ANK2: variants seen among roughly 807,000 people sequenced by gnomAD.
ANK2 encodes the protein ankyrin-2.
A neutral mutation model predicts 360.5 loss-of-function variants in ANK2; 83 were observed. That is an observed-to-expected ratio of 0.23 (90% CI 0.19 to 0.28). ANK2 has a LOEUF of 0.28. Ranked by LOEUF, ANK2 falls within the 10% of genes least tolerant of loss-of-function variation. The pLI is 1.00. For synonymous variants in ANK2, 1,740 were observed against 1,759.5 expected, an observed-to-expected ratio of 0.99 and a Z score of 0.28; for missense variants, 4,201 against 4,795.7, an observed-to-expected ratio of 0.88 and a Z score of 3.66.
At chr4:112,827,689 G>A (rs1250225168) in intron 1 of ANK2, 10 of 595,422 alleles carry the variant, frequency 1.7e-5, no homozygotes, top group African/African-American at 1.1e-4. Context: ...CTGAAATTTC[G>A]ATTCCTGGAA....
At chr4:113,223,031 C>T (rs1320458830) in intron 4 of ANK2, among the ~76,000 whole-genome samples, 1 of 152,166 alleles carries the variant, frequency 6.6e-6, no homozygotes, top group Non-Finnish European at 1.5e-5. Context: ...TTTGTGACTA[C>T]AATTAGTACC....
intron 20 of ANK2, 43 bp downstream of exon 20, chr4:113,288,529 G>T (rs779695464): frequency 2.1e-5 from 32 of 1,547,844 alleles, no homozygotes; most frequent in Admixed American, 6.7e-5. Flanking sequence ...AAGCAAAAAG[G>T]TTCAGCCATC....
chr4:112,755,373 C>CA, the ANK2 span, among the ~76,000 whole-genome samples: 3 of 152,180 alleles, frequency 2.0e-5, no homozygotes, highest in South Asian at 6.2e-4. Context: ...AAGAGACCAC[C>CA]AAACAGGCTT....
At chr4:112,972,446 C>G (rs894473296) in intron 2 of ANK2, among the ~76,000 whole-genome samples, 1 of 152,110 alleles carries the variant, frequency 6.6e-6, no homozygotes, top group Non-Finnish European at 1.5e-5. Context: ...TTCTGTGCTT[C>G]TTAGACATCT....
intron 32 of ANK2, among the ~76,000 whole-genome samples, chr4:113,340,877 AAAAAC>A (rs1244380352): frequency 2.0e-5 from 3 of 152,104 alleles, no homozygotes; most frequent in Admixed American, 6.5e-5. Context: ...AACAAACAAA[AAAAAC>A]AAACCCTTTG....
chr4:112,995,129 T>C (rs2048116444), intron 2 of ANK2, among the ~76,000 whole-genome samples: 1 of 152,254 alleles, frequency 6.6e-6, no homozygotes, highest in South Asian at 2.1e-4. Context: ...ATATATTCAG[T>C]AATGGGATTG....
intron 2 of ANK2, among the ~76,000 whole-genome samples, chr4:112,948,107 A>T (rs1451600182): frequency 2.0e-5 from 3 of 152,184 alleles, no homozygotes; most frequent in Admixed American, 2.0e-4. Context: ...TAGAAATCAG[A>T]GTAGGGAAAG....
the ANK2 span, among the ~76,000 whole-genome samples, chr4:112,753,751 A>G: frequency 8.7e-4 from 133 of 152,188 alleles, 2 homozygotes; most frequent in African/African-American, 2.9e-3. Flanking sequence ...AAGTTACCCT[A>G]TGTTGTCTAA....
chr4:113,030,477 A>G (rs765583651), intron 2 of ANK2, among the ~76,000 whole-genome samples: 1 of 152,150 alleles, frequency 6.6e-6, no homozygotes, highest in African/African-American at 2.4e-5. Flanking sequence ...ATTAGGTAAG[A>G]TCTCAAAAGA....
At chr4:113,196,604 C>A in intron 3 of ANK2, 138 bp downstream of exon 3, 1 of 805,016 alleles carries the variant, frequency 1.2e-6, no homozygotes, top group Non-Finnish European at 2.0e-6. Flanking sequence ...CACGGCTCAC[C>A]GAAACCTCCA....
At chr4:113,275,254 T>A (rs2059813915) in intron 15 of ANK2, among the ~76,000 whole-genome samples, 1 of 152,226 alleles carries the variant, frequency 6.6e-6, no homozygotes, top group Admixed American at 6.5e-5. Flanking sequence ...AGAATTTTAC[T>A]TATGTTCCAA....
chr4:113,261,179 A>G (rs2052691197), intron 13 of ANK2, among the ~76,000 whole-genome samples: 1 of 152,146 alleles, frequency 6.6e-6, no homozygotes, highest in Non-Finnish European at 1.5e-5. Flanking sequence ...TCAATCACGT[A>G]TAGACATTTT....
At chr4:112,810,287 C>A in the ANK2 span, among the ~76,000 whole-genome samples, 7 of 150,646 alleles carry the variant, frequency 4.6e-5, no homozygotes, top group South Asian at 1.0e-3. Flanking sequence ...TAGGTGTGAA[C>A]CACTGTGCCT....
At chr4:112,948,946 G>A (rs187886847) in intron 2 of ANK2, among the ~76,000 whole-genome samples, 1 of 152,178 alleles carries the variant, frequency 6.6e-6, no homozygotes, top group Non-Finnish European at 1.5e-5. Context: ...TTCATCTCAG[G>A]CCTTCAGATG....
At chr4:113,175,541 G>A (rs183456456) in intron 2 of ANK2, among the ~76,000 whole-genome samples, 286 of 152,138 alleles carry the variant, frequency 1.9e-3, no homozygotes, top group African/African-American at 6.2e-3. Context: ...ACATGAGCTC[G>A]GATCACCTTG....
intron 23 of ANK2, 96 bp downstream of exon 23, chr4:113,302,935 A>T (rs747855266): frequency 1.9e-6 from 2 of 1,067,302 alleles, no homozygotes; most frequent in Non-Finnish European, 2.9e-6. Flanking sequence ...TATGTGGATG[A>T]CAGAATCTTA....
intron 37 of ANK2, among the ~76,000 whole-genome samples, chr4:113,352,654 T>C (rs1044666639): frequency 6.6e-6 from 1 of 152,160 alleles, no homozygotes; most frequent in Non-Finnish European, 1.5e-5. Context: ...GTTTTCTTTT[T>C]TTTTTCAACA....
chr4:113,335,758 A>T (rs1283699010), intron 29 of ANK2, 88 bp from the exon 30 acceptor site: 1 of 1,359,328 alleles, frequency 7.4e-7, no homozygotes, highest in Non-Finnish European at 1.0e-6. Context: ...ACTTCTGTTC[A>T]TTATTAACCG....
chr4:113,250,165 TGA>T (rs1432542439), intron 10 of ANK2, among the ~76,000 whole-genome samples: 3 of 152,268 alleles, frequency 2.0e-5, no homozygotes, highest in African/African-American at 4.8e-5. Context: ...TCTTAGATGC[TGA>T]GTCTAGATTT....
Sources: gnomAD v4.1 joint callset for allele counts (sites outside exome capture counted in the v4.1 genomes callset) on GRCh38, gnomAD v4.1.1 for gene constraint, MANE v1.5 for transcripts, NCBI Gene and HGNC (gene_info 2026-07-23, HGNC 2026-07-21) for gene names.